The following SEC61A1 variants were observed in gnomAD, a reference collection of about 807,000 sequenced individuals.
The protein encoded by SEC61A1 is protein transport protein Sec61 subunit alpha isoform 1.
SEC61A1 carries 15 observed loss-of-function variants against 55.2 expected under a neutral mutation model. The ratio of observed to expected loss-of-function variants is 0.27; its 90% CI spans 0.18 to 0.42. The LOEUF (loss-of-function observed/expected upper bound fraction) is 0.42. Ranked by LOEUF, SEC61A1 falls within the 10% of genes least tolerant of loss-of-function variation. The pLI is 1.00. For synonymous variants in SEC61A1, 247 were observed against 234.0 expected (o/e 1.06, Z -0.51); for missense variants, 284 against 602.6 (o/e 0.47, Z 5.53).
In SEC61A1 at chr3:128,067,951, A is replaced by AT. The variant is rs768048788; in HGVS notation, c.1168-30dup. On this transcript the variant is annotated intron_variant, in intron 10 of 11. Coordinates refer to ENST00000243253, the MANE Select transcript of SEC61A1 (RefSeq NM_013336.4). This position sits in a 1 kb window ranked among gnomAD's most constrained non-coding sequence, Gnocchi z 4.1. ...ATGCCTATTTCCCCTTCAGCCTCCA[A>AT]TTCCAACTTCTCCCCTGTGGGCACC... 6.3e-7 allele frequency: 1 copy of AT among 1,599,068 alleles called. No homozygotes were observed. Among genetic ancestry groups the AT allele is most frequent in the African/African-American group, 1.3e-5 (1 of 74,542 alleles).
intron 2 of SEC61A1, 65 bp from the exon 3 acceptor site, chr3:128,055,451 G>A (rs1251541638): frequency 1.6e-6 from 2 of 1,272,374 alleles, no homozygotes; most frequent in Non-Finnish European, 1.2e-6. Context: ...TCTGATTGGA[G>A]TCCATTTTTA....
chr3:128,068,278 C>A (rs1170388329), intron 11 of SEC61A1, among the ~76,000 whole-genome samples: 1 of 152,224 alleles, frequency 6.6e-6, no homozygotes, highest in Non-Finnish European at 1.5e-5. Flanking sequence ...CAGAGGGAGC[C>A]ACTGGGTAAG....
In SEC61A1 at chr3:128,052,826, C is replaced by T. The variant is rs1941710647; in HGVS notation, c.8-9C>T. 6.2e-7 allele frequency: 1 copy of T among 1,612,478 alleles called. No individual in the cohort carries two copies. Among genetic ancestry groups the T allele is most frequent in the African/African-American group, 1.3e-5 (1 of 74,994 alleles). ...CCCAACTCTTCCTGTTTTGTTTCTCCCATCAAAGTCAAATTTCTGGAAGTC... is the reference window on the plus strand; with the variant it reads ...CCCAACTCTTCCTGTTTTGTTTCTCTCATCAAAGTCAAATTTCTGGAAGTC... On this transcript the variant is annotated splice_polypyrimidine_tract_variant and intron_variant, in intron 1 of 11. Transcript: ENST00000243253.
At chr3:128,065,357 C>G in intron 8 of SEC61A1, 1 of 579,934 alleles carries the variant, frequency 1.7e-6, no homozygotes, top group Non-Finnish European at 3.0e-6. Flanking sequence ...AGCTCTGAAA[C>G]CTCATTGCTC....
intron 5 of SEC61A1, among the ~76,000 whole-genome samples, chr3:128,058,196 C>T (rs898872540): frequency 1.4e-5 from 2 of 140,616 alleles, no homozygotes; most frequent in Admixed American, 7.4e-5. Context: ...ATGAGAAATA[C>T]GTCTATTTTT....
intron 2 of SEC61A1, among the ~76,000 whole-genome samples, chr3:128,054,699 C>T (rs1476641324): frequency 6.6e-6 from 1 of 152,200 alleles, no homozygotes; most frequent in Non-Finnish European, 1.5e-5. Flanking sequence ...AATCTTCCGT[C>T]TGTACAATAA....
At position 128,056,695 on chromosome 3, in the gene SEC61A1, C is replaced by A. The variant is rs377683844; in HGVS notation, c.221-14C>A. 8.6e-6 allele frequency: 13 copies of A among 1,505,898 alleles called. No homozygotes were observed. The African/African-American group carries it at 1.5e-4, about 18-fold the overall frequency. 93.3% of individuals were successfully genotyped at this position (1,505,898 alleles called of 1,614,324 possible). On this transcript the variant is annotated splice_polypyrimidine_tract_variant and intron_variant, in intron 4 of 11. Coordinates refer to ENST00000243253, the MANE Select transcript of SEC61A1 (RefSeq NM_013336.4). ...AAGCTGATATTGACTGTTTTGCTTC[C>A]CCGTTTCCTCAAGGCACATTGATGG...
intron 6 of SEC61A1, 72 bp downstream of exon 6, chr3:128,060,283 C>T: frequency 8.2e-7 from 1 of 1,214,646 alleles, no homozygotes; most frequent in Admixed American, 1.7e-5. Context: ...TAACGAATCT[C>T]AAGCACACCT....
chr3:128,054,711 T>C (rs1941746303), intron 2 of SEC61A1, among the ~76,000 whole-genome samples: 1 of 152,202 alleles, frequency 6.6e-6, no homozygotes, highest in South Asian at 2.1e-4. Flanking sequence ...GTACAATAAT[T>C]AATGTTTGTT....
At chr3:128,064,819 A>G (rs1176858100) in intron 7 of SEC61A1, 58 bp from the exon 8 acceptor site, 5 of 1,460,810 alleles carry the variant, frequency 3.4e-6, no homozygotes, top group Non-Finnish European at 4.6e-6. Flanking sequence ...TAAGAAGGCT[A>G]GAAGCAAATT....
rs2107644509 is a variant in SEC61A1 at position 128,060,639 on chromosome 3, C to T, written c.594C>T (p.Pro198=). The T allele has an allele frequency of 1.9e-6, 3 of 1,614,204 alleles. No individual in the cohort carries two copies. Among genetic ancestry groups the T allele is most frequent in the Non-Finnish European group, 1.7e-6 (2 of 1,180,050 alleles). The part of the protein sequence containing the change: ...CETIVWKAFS[P]TTVNTGRGME... ...CCATCGTATGGAAGGCATTCAGCCC[C>T]ACTACTGTCAACACTGGCCGAGGTA... Residue 198 remains proline (P), a synonymous_variant, in exon 7 of 12, where the codon CCC becomes CCT. Transcript: ENST00000243253.
intron 5 of SEC61A1, among the ~76,000 whole-genome samples, chr3:128,059,835 T>C (rs1245397658): frequency 6.6e-6 from 1 of 152,162 alleles, no homozygotes; most frequent in Non-Finnish European, 1.5e-5. Context: ...AGTTTCACTT[T>C]TACTCCTCCC....
At chr3:128,061,350 T>G (rs1406779253) in intron 7 of SEC61A1, among the ~76,000 whole-genome samples, 2 of 152,238 alleles carry the variant, frequency 1.3e-5, no homozygotes, top group African/African-American at 4.8e-5. Flanking sequence ...AACAGCATGT[T>G]TTTAATAAAA....
At chr3:128,055,649 G>C (rs1455921227) in intron 3 of SEC61A1, 24 bp from the exon 4 acceptor site, 1 of 1,600,484 alleles carries the variant, frequency 6.2e-7, no homozygotes, top group South Asian at 1.1e-5. Context: ...AGTGCTGACT[G>C]TTTTGCTCTT....
Position 128,066,189 on chromosome 3 carries a change from A to G in SEC61A1, c.778-765A>G, listed in dbSNP as rs184968893. On this transcript the variant is annotated intron_variant, in intron 8 of 11. Coordinates refer to ENST00000243253, the MANE Select transcript of SEC61A1 (RefSeq NM_013336.4). ...GTTTAGCTTTTCTGTTTATGATTAA[A>G]AACACTGTAAGGAACTATTATAAGG... Among the ~76,000 whole-genome samples the G allele has an allele frequency of 4.6e-5, 7 of 152,258 alleles. No individual in the cohort carries two copies. The East Asian group carries it at 1.4e-3, about 29-fold the overall frequency.
At chr3:128,051,883 T>C, upstream of SEC61A1, 1 of 1,536,060 alleles carries the variant, frequency 6.5e-7, no homozygotes, top group Non-Finnish European at 8.7e-7. Flanking sequence ...CCGGGTTTGC[T>C]TAATGACTCA....
intron 11 of SEC61A1, chr3:128,068,918 A>G (rs1188436918): frequency 6.6e-6 from 1 of 152,368 alleles, no homozygotes; most frequent in African/African-American, 2.4e-5. Context: ...CCTTACCTAA[A>G]GGAAGCAACC....
chr3:128,060,686 G>A (rs1941838548), intron 7 of SEC61A1, 25 bp downstream of exon 7: 5 of 1,604,060 alleles, frequency 3.1e-6, no homozygotes, highest in Non-Finnish European at 4.3e-6. Context: ...CTCCCCTGGT[G>A]GCGACAGCTT....
intron 8 of SEC61A1, among the ~76,000 whole-genome samples, chr3:128,065,732 ATTTTTT>A (rs758640768): frequency 2.1e-5 from 2 of 97,528 alleles, no homozygotes; most frequent in Admixed American, 2.6e-4. Flanking sequence ...ATCATTAAGA[ATTTTTT>A]TTTTTTTTTT....
Sources: allele counts gnomAD v4.1 joint callset (sites outside exome capture counted in the v4.1 genomes callset), GRCh38; gene constraint gnomAD v4.1.1; non-coding constraint Gnocchi (gnomAD v3.1); transcripts MANE v1.5; gene names NCBI Gene and HGNC (gene_info 2026-07-23, HGNC 2026-07-21).